CYP39A1: variants seen among roughly 807,000 people sequenced by gnomAD.
CYP39A1 encodes 24-hydroxycholesterol 7-alpha-hydroxylase.
Under a neutral mutation model 58.1 loss-of-function variants are expected in CYP39A1, and 49 were observed. That is an observed-to-expected ratio of 0.84 (90% CI 0.67 to 1.07). CYP39A1 has a LOEUF of 1.07. Among genes scored for constraint, CYP39A1 ranks in the 50% least tolerant of loss-of-function variants. The pLI, the probability that CYP39A1 is intolerant of heterozygous loss-of-function variation, is 0.00. For missense variants in CYP39A1, 531 were observed against 539.4 expected, an observed-to-expected ratio of 0.98 and a Z score of 0.16; for synonymous variants, 209 against 187.6, an observed-to-expected ratio of 1.11 and a Z score of -0.93.
chr6:46,587,004 A>C (rs1373665139), intron 10 of CYP39A1, 73 bp downstream of exon 10: 1 of 1,027,090 alleles, frequency 9.7e-7, no homozygotes, highest in East Asian at 2.5e-5. Context: ...AGATTAAGCC[A>C]AAGTTGTTCC....
intron 8 of CYP39A1, among the ~76,000 whole-genome samples, chr6:46,592,363 T>C (rs1772890762): frequency 1.3e-5 from 2 of 152,140 alleles, no homozygotes; most frequent in Non-Finnish European, 1.5e-5. Context: ...TGTTTTAAAA[T>C]ACAAATTTCT....
intron 7 of CYP39A1, among the ~76,000 whole-genome samples, chr6:46,602,923 T>TGGGGG (rs11449645): frequency 3.3e-5 from 4 of 122,568 alleles, no homozygotes; most frequent in Admixed American, 8.3e-5. Flanking sequence ...AAATATAAAA[T>TGGGGG]GGGGGGGGGG....
At chr6:46,594,233 CTTA>C (rs1773010023) in intron 8 of CYP39A1, among the ~76,000 whole-genome samples, 1 of 152,022 alleles carries the variant, frequency 6.6e-6, no homozygotes, top group Non-Finnish European at 1.5e-5. Flanking sequence ...CTACACAACT[CTTA>C]TTAATAACCT....
chr6:46,558,298 A>C (rs2150480592), intron 10 of CYP39A1, among the ~76,000 whole-genome samples: 1 of 152,326 alleles, frequency 6.6e-6, no homozygotes, highest in Non-Finnish European at 1.5e-5. Flanking sequence ...CTGCAGGCTT[A>C]ACAGGAAGCA....
At chr6:46,585,575 T>C (rs1772427601) in intron 10 of CYP39A1, among the ~76,000 whole-genome samples, 1 of 152,116 alleles carries the variant, frequency 6.6e-6, no homozygotes, top group Non-Finnish European at 1.5e-5. Flanking sequence ...TTGTGTGTTA[T>C]ATGATGTCCC....
intron 11 of CYP39A1, among the ~76,000 whole-genome samples, chr6:46,552,308 T>C (rs1770442847): frequency 6.6e-6 from 1 of 152,164 alleles, no homozygotes; most frequent in African/African-American, 2.4e-5. Flanking sequence ...TTGTCAACAA[T>C]ATAGCAGGTA....
intron 11 of CYP39A1, among the ~76,000 whole-genome samples, chr6:46,552,154 C>A (rs1770434968): frequency 6.6e-6 from 1 of 152,160 alleles, no homozygotes; most frequent in South Asian, 2.1e-4. Flanking sequence ...CCATCCTTTT[C>A]ACCTGAAAAG....
At chr6:46,624,776 A>T (rs9463227) in intron 7 of CYP39A1, among the ~76,000 whole-genome samples, 28,299 of 152,078 alleles carry the variant, frequency 0.19, 2,782 homozygotes, top group African/African-American at 0.25. Flanking sequence ...ATGCTGAATA[A>T]ACAAGTAGTT....
chr6:46,563,951 A>T (rs1487063980), intron 10 of CYP39A1, among the ~76,000 whole-genome samples: 1 of 152,080 alleles, frequency 6.6e-6, no homozygotes, highest in African/African-American at 2.4e-5. Context: ...AGAGAGTGAC[A>T]ATCAGATTAT....
chr6:46,630,655 C>T (rs1477406079), intron 6 of CYP39A1, among the ~76,000 whole-genome samples: 9 of 152,142 alleles, frequency 5.9e-5, no homozygotes, highest in African/African-American at 1.2e-4. Context: ...GGTAGACATA[C>T]AAAAAGTGTT....
intron 7 of CYP39A1, among the ~76,000 whole-genome samples, chr6:46,601,727 G>T (rs983650846): frequency 6.6e-6 from 1 of 150,396 alleles, no homozygotes; most frequent in Non-Finnish European, 1.5e-5. Flanking sequence ...CACCATGTTG[G>T]CCAGGCTAGT....
At chr6:46,613,364 C>T (rs9463216) in intron 7 of CYP39A1, among the ~76,000 whole-genome samples, 29,684 of 152,114 alleles carry the variant, frequency 0.2, 3,145 homozygotes, top group African/African-American at 0.28. Context: ...CATCCACAAT[C>T]ACACAATTAG....
At chr6:46,641,470 CAG>C (rs1422978229) in intron 2 of CYP39A1, among the ~76,000 whole-genome samples, 1 of 151,986 alleles carries the variant, frequency 6.6e-6, no homozygotes, top group African/African-American at 2.4e-5. Flanking sequence ...AAAAGGGAAA[CAG>C]AGAGAAAGAA....
Position 46,636,551 on chromosome 6 carries a change from A to G in CYP39A1, c.639-69T>C, listed in dbSNP as rs577390634. The G allele has an allele frequency of 9.1e-5, 84 of 926,606 alleles. 5 individuals are homozygous for G. Among genetic ancestry groups the G allele is most frequent in the East Asian group, 6.4e-4 (25 of 39,300 alleles). 57.4% of individuals were successfully genotyped at this position (926,606 alleles called of 1,614,324 possible). A position where few individuals can be genotyped will look rare whatever the true frequency, so the allele number is the denominator to read the frequency against. On this transcript the variant is annotated intron_variant, in intron 4 of 11. Transcript: ENST00000275016. Reference sequence around the variant, plus strand: ...TTAGGAATAACAGGTCACAGCATAAAAAAGGGATGTCTGTGGAATTAAAAT... The same window carrying G: ...TTAGGAATAACAGGTCACAGCATAAGAAAGGGATGTCTGTGGAATTAAAAT...
chr6:46,558,161 T>A (rs1054922515), intron 10 of CYP39A1, among the ~76,000 whole-genome samples: 18 of 151,906 alleles, frequency 1.2e-4, no homozygotes, highest in Non-Finnish European at 2.5e-4. Flanking sequence ...AGAAAAATAA[T>A]AAGCAGTCAA....
At chr6:46,626,793 A>G (rs757026730) in intron 6 of CYP39A1, among the ~76,000 whole-genome samples, 6 of 152,212 alleles carry the variant, frequency 3.9e-5, no homozygotes, top group Non-Finnish European at 8.8e-5. Context: ...TCTACTATTA[A>G]CTACAGATAA....
At chr6:46,598,400 C>G (rs768409944) in intron 7 of CYP39A1, among the ~76,000 whole-genome samples, 73 of 152,120 alleles carry the variant, frequency 4.8e-4, no homozygotes, top group Non-Finnish European at 8.4e-4. Flanking sequence ...ATTACTAGCA[C>G]ATGGCATAAA....
At chr6:46,622,192 T>C (rs928616858) in intron 7 of CYP39A1, among the ~76,000 whole-genome samples, 2 of 152,080 alleles carry the variant, frequency 1.3e-5, no homozygotes, top group Non-Finnish European at 1.5e-5. Context: ...AGAAAGTGAC[T>C]CCTAATGGGT....
chr6:46,632,475 T>C (rs1179010088), intron 5 of CYP39A1, among the ~76,000 whole-genome samples: 1 of 152,080 alleles, frequency 6.6e-6, no homozygotes, highest in Non-Finnish European at 1.5e-5. Context: ...GTTTTTTTTT[T>C]TTCTTAGGTT....
Sources: allele counts gnomAD v4.1 joint callset (sites outside exome capture counted in the v4.1 genomes callset), GRCh38; gene constraint gnomAD v4.1.1; transcripts MANE v1.5; gene names NCBI Gene and HGNC (gene_info 2026-07-23, HGNC 2026-07-21).